Variants in BRF1 observed in about 807,000 individuals in gnomAD.
The protein encoded by BRF1 is transcription factor IIIB 90 kDa subunit.
In BRF1, 59 loss-of-function variants were observed where a neutral mutation model predicts 81.7. The ratio of observed to expected loss-of-function variants is 0.72; its 90% confidence interval spans 0.59 to 0.90. The LOEUF is 0.90. Ranked by LOEUF, BRF1 falls within the 40% of genes least tolerant of loss-of-function variation. The probability of loss-of-function intolerance (pLI) is 0.00; values close to 1 mark genes in which losing one functional copy is unlikely to be tolerated. For synonymous variants in BRF1, 491 were observed against 395.6 expected (o/e 1.24, Z -2.86); for missense variants, 1,050 against 936.3 (o/e 1.12, Z -1.58).
chr14:105,249,839 G>A (rs758489456), intron 5 of BRF1: 1 of 1,613,326 alleles, frequency 6.2e-7, no homozygotes, highest in Non-Finnish European at 8.5e-7. Flanking sequence ...GCGCTGCTGG[G>A]AGGTCATTGA....
intron 2 of BRF1, among the ~76,000 whole-genome samples, chr14:105,279,829 A>G (rs975893704): frequency 8.5e-5 from 13 of 152,354 alleles, no homozygotes; most frequent in African/African-American, 2.9e-4. Context: ...AAAAGGAGAT[A>G]AACTGTGGTC....
chr14:105,214,548 T>TGAGTGGCTCAGCTGCCCACACCC lies in BRF1; in HGVS notation c.1773-2385_1773-2384insGGGTGTGGGCAGCTGAGCCACTC, dbSNP rs1566795413. On this transcript the variant is annotated intron_variant, in intron 15 of 17. Coordinates refer to ENST00000547530, the MANE Select transcript of BRF1 (RefSeq NM_001519.4). ...TGCGTGGCTCAGCTGCCCACACCCC[T>TGAGTGGCTCAGCTGCCCACACCC]GAGTGGCCCAGCTCAGGTTCTGCAG... Among the ~76,000 whole-genome samples the TGAGTGGCTCAGCTGCCCACACCC allele has an allele frequency of 5.7e-5, 4 of 70,742 alleles. 1 individual carries two copies. Among genetic ancestry groups the TGAGTGGCTCAGCTGCCCACACCC allele is most frequent in the African/African-American group, 5.1e-4 (4 of 7,822 alleles). The allele number at this position is 70,742 out of a possible 152,430, so 46.4% of individuals were successfully genotyped here.
At chr14:105,248,657 G>C in intron 5 of BRF1, 1 of 980,940 alleles carries the variant, frequency 1.0e-6, no homozygotes, top group Non-Finnish European at 1.2e-6. Context: ...TCGCAGGGGC[G>C]GGGGTGGCAG....
rs1889976172 is a variant in BRF1, at chr14:105,210,709, C to T, written c.1997-121G>A. ...CTCAGGCTCCAGCCCCAGCCCCAGC[C>T]CCCCGCGCCCCGCCAGGAGCCATCT... is the stretch of plus-strand genomic sequence containing the variant. On this transcript the variant is annotated intron_variant, in intron 17 of 17. Coordinates refer to ENST00000547530, the MANE Select transcript of BRF1 (RefSeq NM_001519.4). This position sits in a 1 kb window ranked among gnomAD's most constrained non-coding sequence, Gnocchi z 4.7. 8.7e-7 allele frequency: 1 copy of T among 1,144,744 alleles called. No homozygotes were observed. The highest frequency in any genetic ancestry group is 1.2e-6 in the Non-Finnish European group (1 of 806,526). 70.9% of individuals were successfully genotyped at this position (1,144,744 alleles called of 1,614,324 possible). A position where few individuals can be genotyped will look rare whatever the true frequency, so the allele number is the denominator to read the frequency against.
At chr14:105,213,307 C>G (rs3784228) in intron 15 of BRF1, 61,189 of 152,146 alleles carry the variant, frequency 0.4, 16,131 homozygotes, top group African/African-American at 0.75. Context: ...TGATCTTGGC[C>G]GGTGGGACTA....
intron 5 of BRF1, chr14:105,248,569 T>TCGGGCGGGCGGGCGGGCGGGCGGG (rs587760631): frequency 4.2e-5 from 23 of 542,774 alleles, no homozygotes; most frequent in East Asian, 3.4e-4. Flanking sequence ...GGGTACGGGC[T>TCGGGCGGGCGGGCGGGCGGGCGGG]CGGGCGGGCG....
intron 1 of BRF1, among the ~76,000 whole-genome samples, chr14:105,288,735 G>C (rs1446972728): frequency 6.7e-6 from 1 of 149,980 alleles, no homozygotes; most frequent in Non-Finnish European, 1.5e-5. Flanking sequence ...CTGGGTTCAT[G>C]CCATTCTCCT....
intron 2 of BRF1, among the ~76,000 whole-genome samples, chr14:105,279,190 C>T (rs1210935110): frequency 1.3e-5 from 2 of 151,810 alleles, no homozygotes; most frequent in East Asian, 3.9e-4. Context: ...GCCCGGACCA[C>T]AGAGTGAGTG....
chr14:105,228,889 T>C lies in BRF1; in HGVS notation c.719A>G (p.His240Arg). The C allele has an allele frequency of 6.2e-7, 1 of 1,613,754 alleles. No homozygotes were observed. Among genetic ancestry groups the C allele is most frequent in the Non-Finnish European group, 8.5e-7 (1 of 1,179,990 alleles). Residue 240 changes from histidine to arginine, a missense_variant, in exon 7 of 18, where the codon CAT (histidine) becomes CGT (arginine). This residue lies in a region of BRF1 where 1,043 missense variants were observed against 915.4 expected (regional missense o/e 1.14). Coordinates refer to ENST00000547530, the MANE Select transcript of BRF1 (RefSeq NM_001519.4). ...GAALLVAARM[H>R]DFRRTVKEVI... ...CTCCTTCACAGTCCTCCTGAAGTCA[T>C]GCATTCTGGCTGCAACCAGGAGCGC...
rs1566800189 is a variant in BRF1, at chr14:105,217,454, T to C, written c.1772+90A>G. ...CTCCAGGCACTTCTGTGGCCCCGGC[T>C]GGCCCCCGGCAGCTCCAGGACCCGA... On this transcript the variant is annotated intron_variant, in intron 15 of 17. Coordinates refer to ENST00000547530, the MANE Select transcript of BRF1 (RefSeq NM_001519.4). 1.4e-5 allele frequency: 22 copies of C among 1,549,650 alleles called. No individual in the cohort carries two copies. The East Asian group carries it at 4.3e-4, about 30-fold the overall frequency.
At chr14:105,249,091 C>T in intron 5 of BRF1, 2 of 1,479,352 alleles carry the variant, frequency 1.4e-6, no homozygotes, top group African/African-American at 1.5e-5. Context: ...GAGAGGTGAG[C>T]CCGTGCCCCG....
At chr14:105,294,156 C>G (rs7153176) in intron 1 of BRF1, among the ~76,000 whole-genome samples, 5,334 of 152,266 alleles carry the variant, frequency 0.035, 261 homozygotes, top group African/African-American at 0.11. Context: ...TCCCCTCTCT[C>G]CTCCCCACTC....
Position 105,286,348 on chromosome 14 carries a change from G to A in BRF1, c.213C>T (p.Gly71=), listed in dbSNP as rs756992018. ...DGAGKTPTLG[G]GFHVNLGKES... ...CCTTCCCCAGATTCACGTGGAAGCC[G>A]CCACCCAGAGTCGGGGTTTTGCCAG... Residue 71 remains glycine, a synonymous_variant, in exon 2 of 18, where the codon GGC becomes GGT. Coordinates refer to ENST00000547530, the MANE Select transcript of BRF1 (RefSeq NM_001519.4). 4.2e-5 allele frequency: 68 copies of A among 1,613,386 alleles called. No homozygotes were observed. The highest frequency in any genetic ancestry group is 5.3e-5 in the Non-Finnish European group (62 of 1,179,820).
At chr14:105,217,418 G>A in intron 15 of BRF1, 126 bp downstream of exon 15, 1 of 1,440,890 alleles carries the variant, frequency 6.9e-7, no homozygotes, top group South Asian at 1.3e-5. Flanking sequence ...GCATGCAGGT[G>A]GCAAATGCCA....
intron 12 of BRF1, 80 bp from the exon 13 acceptor site, chr14:105,219,312 A>C: frequency 6.3e-7 from 1 of 1,586,990 alleles, no homozygotes; most frequent in Non-Finnish European, 8.6e-7. Flanking sequence ...GCCAGCGGGA[A>C]GTATTTCCAC....
intron 5 of BRF1, among the ~76,000 whole-genome samples, chr14:105,251,604 A>G (rs77413390): frequency 0.017 from 2,630 of 152,242 alleles, 68 homozygotes; most frequent in African/African-American, 0.057. Context: ...CCGAGTGTAT[A>G]GCCTCAGCCG....
intron 15 of BRF1, 21 bp from the exon 16 acceptor site, chr14:105,212,185 T>C (rs771628822): frequency 9.3e-6 from 15 of 1,608,348 alleles, no homozygotes; most frequent in Admixed American, 6.7e-5. Context: ...AAGCACAGCA[T>C]GGCGGCCTCA....
intron 7 of BRF1, 59 bp downstream of exon 7, chr14:105,228,761 C>T (rs1163101641): frequency 2.5e-6 from 4 of 1,591,742 alleles, no homozygotes; most frequent in Non-Finnish European, 3.4e-6. Flanking sequence ...GCAAGCAGGC[C>T]TGAGCTGGAC....
Position 105,210,606 on chromosome 14 carries a change from C to G in BRF1, c.1997-18G>C. The stretch of plus-strand genomic sequence containing the variant: ...GCCATAGTCTGCAGAAGAGCACAGT[C>G]ATGAAGCCCAGGGTCTCTGTGGGAC... On this transcript the variant is annotated intron_variant, in intron 17 of 17. Coordinates refer to ENST00000547530, the MANE Select transcript of BRF1 (RefSeq NM_001519.4). This position sits in a 1 kb window ranked among gnomAD's most constrained non-coding sequence, Gnocchi z 4.7. 1 of 1,610,774 alleles carries G rather than the reference C, an allele frequency of 6.2e-7. No homozygotes were observed. Among genetic ancestry groups the G allele is most frequent in the Non-Finnish European group, 8.5e-7 (1 of 1,179,762 alleles).
Sources: allele counts gnomAD v4.1 joint callset (sites outside exome capture counted in the v4.1 genomes callset), GRCh38; gene constraint gnomAD v4.1.1; regional missense constraint gnomAD v4.1.1; non-coding constraint Gnocchi (gnomAD v3.1); transcripts MANE v1.5; gene names NCBI Gene and HGNC (gene_info 2026-07-23, HGNC 2026-07-21).